Variants in SANBR observed in about 807,000 individuals in gnomAD.
SANBR encodes SANT and BTB domain regulator of class switch recombination.
SANBR carries 77 observed loss-of-function variants against 101.8 expected under a neutral mutation model. The observed-to-expected ratio is 0.76, with a 90% CI of 0.63 to 0.91. The LOEUF (loss-of-function observed/expected upper bound fraction) is 0.91. SANBR is among the 40% of genes least tolerant of loss of function. The pLI is 0.00. For missense variants in SANBR, 875 were observed against 853.0 expected, an observed-to-expected ratio of 1.03 and a Z score of -0.32; for synonymous variants, 279 against 274.7, an observed-to-expected ratio of 1.02 and a Z score of -0.15.
intron 11 of SANBR, among the ~76,000 whole-genome samples, chr2:61,097,351 C>T (rs1683079238): frequency 6.6e-6 from 1 of 152,052 alleles, no homozygotes; most frequent in African/African-American, 2.4e-5. Flanking sequence ...ATAAAATTTA[C>T]TCATTTTATT....
Position 61,097,723 on chromosome 2 carries a change from A to G in SANBR, c.1236A>G (p.Ser412=). The change falls in exon 12 of 22, where the codon TCA becomes TCG. Residue 412 remains serine, a synonymous_variant. Transcript: ENST00000402291. ...AGGCCTTTCTCTGTATTGAATTTTCACATTGTCAATACCACTCAGAAACAG... is the reference window on the plus strand; with the variant it reads ...AGGCCTTTCTCTGTATTGAATTTTCGCATTGTCAATACCACTCAGAAACAG... ...CYQAFLCIEF[S]HCQYHSETVV... 6.2e-7 allele frequency: 1 copy of G among 1,604,506 alleles called. No homozygotes were observed. The highest frequency in any genetic ancestry group is 8.5e-7 in the Non-Finnish European group (1 of 1,173,590).
At chr2:61,068,245 C>CA (rs1370295312) in intron 1 of SANBR, among the ~76,000 whole-genome samples, 1 of 152,154 alleles carries the variant, frequency 6.6e-6, no homozygotes, top group Admixed American at 6.5e-5. Flanking sequence ...CTGGGACATG[C>CA]AAAAGGGCAT....
intron 5 of SANBR, 48 bp downstream of exon 5, chr2:61,073,599 T>TTCATAAAATATATGATTGGTGGTTACCA: frequency 9.6e-7 from 1 of 1,042,116 alleles, no homozygotes; most frequent in Non-Finnish European, 1.4e-6. Context: ...TAATATCAAC[T>TTCATAAAATATATGATTGGTGGTTACCA]TCATAAAATA....
chr2:61,137,739 C>T (rs1349818126), exon 22 of SANBR: 1 of 151,856 alleles, frequency 6.6e-6, no homozygotes, highest in Non-Finnish European at 1.5e-5. Flanking sequence ...TTCCAAATAC[C>T]CTATCACCGA....
chr2:61,108,300 T>G lies in SANBR; in HGVS notation c.1612-17T>G. On this transcript the variant is annotated splice_polypyrimidine_tract_variant and intron_variant, in intron 14 of 21. Transcript: ENST00000402291. ...AGGTAAATGCAGATTTATTAATCTC[T>G]TATTCCTGTCTTGTAGTTCTTGTCA... 6.5e-7 allele frequency: 1 copy of G among 1,537,294 alleles called. No individual in the cohort carries two copies. The highest frequency in any genetic ancestry group is 8.9e-7 in the Non-Finnish European group (1 of 1,125,244).
chr2:61,077,130 GAA>G lies in SANBR; in HGVS notation c.643_644del (p.Asn215Ter), dbSNP rs763623141. 1 of 1,611,836 alleles carries G rather than the reference GAA, an allele frequency of 6.2e-7. No homozygotes were observed. The highest frequency in any genetic ancestry group is 1.1e-5 in the South Asian group (1 of 90,638). On this transcript the variant is annotated frameshift_variant, in exon 6 of 22. Coordinates refer to ENST00000402291, the MANE Select transcript of SANBR (RefSeq NM_001129993.3). LOFTEE classifies it high-confidence loss of function. ...IKYIKRNTKE[N>X]KDCEMPTLEP... Reference sequence around the variant, plus strand: ...AATACATTAAAAGGAACACTAAGGAGAATAAAGATTGTGAGATGCCCACTTTA... The same window carrying G: ...AATACATTAAAAGGAACACTAAGGAGTAAAGATTGTGAGATGCCCACTTTA...
chr2:61,091,659 G>C (rs1193411637), intron 10 of SANBR, among the ~76,000 whole-genome samples: 1 of 151,634 alleles, frequency 6.6e-6, no homozygotes, highest in Non-Finnish European at 1.5e-5. Context: ...TACTCAGGAG[G>C]CTGAGGCGAG....
intron 20 of SANBR, among the ~76,000 whole-genome samples, chr2:61,131,586 G>A (rs1684690535): frequency 6.6e-6 from 1 of 152,190 alleles, no homozygotes; most frequent in Non-Finnish European, 1.5e-5. Flanking sequence ...AAGACTTAAT[G>A]TTATTAAGAT....
Position 61,117,446 on chromosome 2 carries a change from TTTG to T in SANBR, c.1866-18_1866-16del. On this transcript the variant is annotated intron_variant, in intron 18 of 21. Coordinates refer to ENST00000402291, the MANE Select transcript of SANBR (RefSeq NM_001129993.3). ...TCTTAAAGAAGCATCAATGCTGATT[TTTG>T]TTCAATTTTTTCAATAGTATGAGTA... The T allele has an allele frequency of 6.2e-7, 1 of 1,613,536 alleles. No homozygotes were observed. The highest frequency in any genetic ancestry group is 1.1e-5 in the South Asian group (1 of 91,082).
At chr2:61,089,708 A>T (rs992483031) in intron 10 of SANBR, 1 of 152,228 alleles carries the variant, frequency 6.6e-6, no homozygotes, top group Admixed American at 6.6e-5. Flanking sequence ...CATAATACAT[A>T]TTTCTCTTTA....
chr2:61,115,829 C>G (rs1034538465), intron 16 of SANBR, 150 bp from the exon 17 acceptor site: 7 of 516,712 alleles, frequency 1.4e-5, no homozygotes, highest in African/African-American at 1.2e-4. Context: ...TTCAGCTTTG[C>G]TTCATGGTAT....
chr2:61,068,813 T>C (rs1303061115), intron 1 of SANBR, 36 bp from the exon 2 acceptor site: 1 of 152,384 alleles, frequency 6.6e-6, no homozygotes, highest in African/African-American at 2.4e-5. Flanking sequence ...CTCAGAAGTA[T>C]GTAAGCTAGC....
intron 20 of SANBR, among the ~76,000 whole-genome samples, chr2:61,130,780 C>A (rs1684663406): frequency 6.7e-6 from 1 of 149,722 alleles, no homozygotes; most frequent in Admixed American, 6.6e-5. Flanking sequence ...AACCCTGTCT[C>A]TACTAAAAAT....
In SANBR at chr2:61,130,929, C is replaced by CAAAAAAAAAAAAA. The variant is rs59171411; in HGVS notation, c.2029-3191_2029-3179dup. On this transcript the variant is annotated intron_variant, in intron 20 of 21. Coordinates refer to the SANBR transcript ENST00000295031. ...TGGGTGACAGAGCGAGACTCTGTCT[C>CAAAAAAAAAAAAA]AAAAAAAAAAAAAAAAAAAAAAAAA... 6.0e-4 allele frequency among the ~76,000 whole-genome samples: 8 copies of CAAAAAAAAAAAAA among 13,230 alleles called. 3 individuals carry two copies. The highest frequency in any genetic ancestry group is 9.9e-4 in the Non-Finnish European group (7 of 7,038). The allele number at this position is 13,230 out of a possible 152,430, so 8.7% of individuals were successfully genotyped here. A position where few individuals can be genotyped will look rare whatever the true frequency, so the allele number is the denominator to read the frequency against.
rs1684374530 is a variant in SANBR, at chr2:61,122,508, A to G, written c.*346A>G. On this transcript the variant is annotated 3_prime_UTR_variant, in exon 22 of 22. Transcript: ENST00000402291. The stretch of plus-strand genomic sequence containing the variant: ...AGCCAAGTTTTTTTAAGACCTTAAA[A>G]GTTAGGGGAACACAACTGGTAGTGT... 3.9e-6 allele frequency: 4 copies of G among 1,024,528 alleles called. No individual in the cohort carries two copies. The highest frequency in any genetic ancestry group is 3.5e-6 in the Non-Finnish European group (3 of 855,522). The allele number at this position is 1,024,528 out of a possible 1,614,324, so 63.5% of individuals were successfully genotyped here. A position where few individuals can be genotyped will look rare whatever the true frequency, so the allele number is the denominator to read the frequency against.
rs1573602001 is a variant in SANBR, at chr2:61,081,478, A to G, written c.697A>G (p.Ile233Val). ...GCCAGGAAATGTCATTTCAATTCTT[A>G]TTTCTTCGGAGTTTTTAAAAATGGA... ...LEPGNVISIL[I>V]SSEFLKMDSL... Residue 233 changes from isoleucine to valine, a missense_variant, in exon 7 of 22, where the codon ATT (isoleucine) becomes GTT (valine). Coordinates refer to ENST00000402291, the MANE Select transcript of SANBR (RefSeq NM_001129993.3). The G allele has an allele frequency of 6.4e-7, 1 of 1,557,206 alleles. No homozygotes were observed.
At chr2:61,072,398 CCT>C (rs1306906605) in intron 4 of SANBR, among the ~76,000 whole-genome samples, 1 of 151,788 alleles carries the variant, frequency 6.6e-6, no homozygotes, top group African/African-American at 2.4e-5. Context: ...ATAGCAAGAC[CCT>C]GTCTCTACAA....
At chr2:61,076,640 AAAG>A (rs1167714574) in intron 5 of SANBR, among the ~76,000 whole-genome samples, 3 of 151,270 alleles carry the variant, frequency 2.0e-5, no homozygotes, top group Admixed American at 2.0e-4. Context: ...AAAAAAAAAA[AAAG>A]AAAGAAAAAG....
chr2:61,090,301 GCA>G (rs1682672877), intron 10 of SANBR: 1 of 151,910 alleles, frequency 6.6e-6, no homozygotes, highest in Non-Finnish European at 1.5e-5. Flanking sequence ...CAAATTTATA[GCA>G]CACACTGTTA....
Sources: gnomAD v4.1 joint callset for allele counts (sites outside exome capture counted in the v4.1 genomes callset) on GRCh38, gnomAD v4.1.1 for gene constraint, MANE v1.5 for transcripts, NCBI Gene and HGNC (gene_info 2026-07-23, HGNC 2026-07-21) for gene names.